Variants in USP32 observed in about 807,000 individuals in gnomAD.
USP32 encodes ubiquitin specific peptidase 32.
A neutral mutation model predicts 204.8 loss-of-function variants in USP32; 59 were observed. That is an observed-to-expected ratio of 0.29 (90% CI 0.23 to 0.36). USP32 has a LOEUF of 0.36. USP32 is among the 10% of genes least tolerant of loss of function. The probability of loss-of-function intolerance (pLI) is 1.00; values close to 1 mark genes in which losing one functional copy is unlikely to be tolerated. For synonymous variants in USP32, 517 were observed against 678.4 expected (o/e 0.76, Z 3.70); for missense variants, 1,160 against 1,946.4 (o/e 0.60, Z 7.60).
At chr17:60,309,503 G>A (rs956952660) in intron 2 of USP32, among the ~76,000 whole-genome samples, 1 of 152,046 alleles carries the variant, frequency 6.6e-6, no homozygotes, top group Admixed American at 6.6e-5. Context: ...TCGGGAGGCT[G>A]AGGTGGGAGA....
upstream of USP32, among the ~76,000 whole-genome samples, chr17:60,394,894 C>T (rs1468335382): frequency 6.6e-6 from 1 of 152,124 alleles, no homozygotes; most frequent in Non-Finnish European, 1.5e-5. Context: ...TAGGCGCACA[C>T]CATCCCGCCC....
intron 2 of USP32, among the ~76,000 whole-genome samples, chr17:60,322,541 T>G (rs1184727763): frequency 6.6e-6 from 1 of 152,168 alleles, no homozygotes; most frequent in African/African-American, 2.4e-5. Context: ...TCAGAAAAGT[T>G]CTGATGTTTG....
intron 6 of USP32, among the ~76,000 whole-genome samples, chr17:60,270,002 T>C (rs1040312431): frequency 9.9e-5 from 15 of 152,160 alleles, no homozygotes; most frequent in African/African-American, 3.4e-4. Flanking sequence ...TAAGCTCCCA[T>C]AAAGCTCTTT....
chr17:60,321,145 C>G (rs2088103593), intron 2 of USP32, among the ~76,000 whole-genome samples: 2 of 152,126 alleles, frequency 1.3e-5, no homozygotes, highest in Admixed American at 1.3e-4. Context: ...GGAAAGTTGT[C>G]TTTTGAACTC....
At chr17:60,238,780 G>A (rs1477154689) in intron 11 of USP32, among the ~76,000 whole-genome samples, 1 of 149,606 alleles carries the variant, frequency 6.7e-6, no homozygotes, top group East Asian at 2.0e-4. Context: ...CTCCAGCCTG[G>A]GCAACAGAGC....
At chr17:60,406,662 C>A (rs554092183) in intron 1 of USP32, among the ~76,000 whole-genome samples, 41 of 152,008 alleles carry the variant, frequency 2.7e-4, no homozygotes, top group South Asian at 8.3e-4. Context: ...ATTACAGGCA[C>A]GCGCCACCAC....
intron 1 of USP32, among the ~76,000 whole-genome samples, chr17:60,380,741 A>G (rs2089633337): frequency 6.6e-6 from 1 of 152,238 alleles, no homozygotes; most frequent in African/African-American, 2.4e-5. Context: ...ATGACTTTCC[A>G]ATGTACCCTA....
chr17:60,353,770 T>C (rs750521958), intron 1 of USP32, among the ~76,000 whole-genome samples: 1 of 152,166 alleles, frequency 6.6e-6, no homozygotes, highest in African/African-American at 2.4e-5. Context: ...TTAGATAATC[T>C]ATGTAAATCG....
At chr17:60,385,580 G>A (rs567052440) in intron 1 of USP32, among the ~76,000 whole-genome samples, 178 of 151,950 alleles carry the variant, frequency 1.2e-3, no homozygotes, top group South Asian at 7.9e-3. Flanking sequence ...AGTGGCTCAC[G>A]CCTATAATCT....
At chr17:60,219,633 G>A (rs746949216) in intron 16 of USP32, 37 bp downstream of exon 16, 14 of 1,546,288 alleles carry the variant, frequency 9.1e-6, no homozygotes, top group East Asian at 7.4e-5. Context: ...GTTACCTCTC[G>A]GTAAATGCTG....
At chr17:60,357,059 G>C (rs1567872049) in intron 1 of USP32, among the ~76,000 whole-genome samples, 3 of 152,220 alleles carry the variant, frequency 2.0e-5, no homozygotes, top group Admixed American at 6.5e-5. Context: ...CTGCACTCCA[G>C]CTGGGACAAC....
At chr17:60,305,379 T>C (rs2087698201) in intron 2 of USP32, among the ~76,000 whole-genome samples, 2 of 152,130 alleles carry the variant, frequency 1.3e-5, no homozygotes, top group African/African-American at 2.4e-5. Flanking sequence ...CATGAACTAA[T>C]AGAGTGACAG....
chr17:60,396,261 G>A (rs767304058), upstream of USP32, among the ~76,000 whole-genome samples: 31 of 151,920 alleles, frequency 2.0e-4, no homozygotes, highest in Admixed American at 1.4e-3. Flanking sequence ...ATTTTCTGTA[G>A]AGACAGAGTT....
At chr17:60,187,253 G>A (rs1347064980) in intron 29 of USP32, among the ~76,000 whole-genome samples, 2 of 152,182 alleles carry the variant, frequency 1.3e-5, no homozygotes, top group Non-Finnish European at 2.9e-5. Flanking sequence ...GGATTTGATC[G>A]TGCAATTAAG....
chr17:60,248,521 G>A lies in USP32; in HGVS notation c.1136+3860C>T, dbSNP rs528106459. On this transcript the variant is annotated intron_variant, in intron 11 of 33. Transcript: ENST00000300896. ...TAGACTTGATCATGTTCCAACTTCT[G>A]TGAAACTCTGTTCATTTATTTGGTC... Among the ~76,000 whole-genome samples, 18 of 152,220 alleles carry A rather than the reference G, an allele frequency of 1.2e-4. No homozygotes were observed. In the South Asian group the frequency reaches 3.5e-3, roughly 30 times the overall value.
chr17:60,375,849 C>T (rs937318233), intron 1 of USP32, among the ~76,000 whole-genome samples: 1 of 152,144 alleles, frequency 6.6e-6, no homozygotes, highest in Non-Finnish European at 1.5e-5. Context: ...CTCAGGTGAT[C>T]TGCCTGTCTC....
At chr17:60,231,689 A>C in intron 12 of USP32, 1 of 445,650 alleles carries the variant, frequency 2.2e-6, no homozygotes, top group South Asian at 1.6e-5. Context: ...AAGTTACGTG[A>C]TAACTAAATA....
chr17:60,410,895 A>C (rs1398642389), intron 1 of USP32, among the ~76,000 whole-genome samples: 1 of 151,870 alleles, frequency 6.6e-6, no homozygotes, highest in Non-Finnish European at 1.5e-5. Context: ...CCTAGCCAAC[A>C]TGGTGAAGCC....
intron 12 of USP32, among the ~76,000 whole-genome samples, chr17:60,232,531 G>A (rs1598109348): frequency 6.9e-6 from 1 of 145,268 alleles, no homozygotes; most frequent in African/African-American, 2.6e-5. Context: ...CACATGGACT[G>A]GAAAGAGAAA....
Sources: allele counts gnomAD v4.1 joint callset (sites outside exome capture counted in the v4.1 genomes callset), GRCh38; gene constraint gnomAD v4.1.1; transcripts MANE v1.5; gene names NCBI Gene and HGNC (gene_info 2026-07-23, HGNC 2026-07-21).